The following WNT7B variants were observed in gnomAD, a reference collection of about 807,000 sequenced individuals.
WNT7B encodes Wnt family member 7B.
In WNT7B, 19 loss-of-function variants were observed where a neutral mutation model predicts 38.2. That is an observed-to-expected ratio of 0.50 (90% CI 0.35 to 0.73). WNT7B has a LOEUF of 0.73. Ranked by LOEUF, WNT7B falls within the 30% of genes least tolerant of loss-of-function variation. The pLI, the probability that WNT7B is intolerant of heterozygous loss-of-function variation, is 0.01. For synonymous variants in WNT7B, 243 were observed against 209.3 expected, an observed-to-expected ratio of 1.16 and a Z score of -1.39; for missense variants, 423 against 507.9, an observed-to-expected ratio of 0.83 and a Z score of 1.61.
intron 1 of WNT7B, among the ~76,000 whole-genome samples, chr22:45,967,370 C>T (rs1051122789): frequency 7.2e-5 from 11 of 152,304 alleles, no homozygotes; most frequent in African/African-American, 2.6e-4. Context: ...AGCCTGCTAC[C>T]GCCTCTCCAT....
In WNT7B at chr22:45,927,429, T is replaced by C. The variant is rs1285678129; in HGVS notation, c.570+3669A>G. The C allele has an allele frequency of 5.2e-6, 8 of 1,544,870 alleles. No homozygotes were observed. In the African/African-American group the frequency reaches 8.2e-5, roughly 16 times the overall value. ...ATCAGGGACACCAGCCTGGGCCACATGCCAGCTAGGGGAACGGCATAGCAA... is the reference window on the plus strand; with the variant it reads ...ATCAGGGACACCAGCCTGGGCCACACGCCAGCTAGGGGAACGGCATAGCAA... On this transcript the variant is annotated intron_variant, in intron 3 of 3. Coordinates refer to ENST00000339464, the MANE Select transcript of WNT7B (RefSeq NM_058238.3).
chr22:45,975,525 T>A lies in WNT7B; in HGVS notation c.71+1159A>T. On this transcript the variant is annotated intron_variant, in intron 1 of 3. Coordinates refer to ENST00000339464, the MANE Select transcript of WNT7B (RefSeq NM_058238.3). The surrounding 1 kb of genome is among the most constrained non-coding windows in gnomAD (Gnocchi z 6.6). ...GCCACTGGCTTTGTCTCTGCAGGCC[T>A]TGGGCCTCAGTTTCTCCACCTGTAA... 1.4e-6 allele frequency: 1 copy of A among 716,392 alleles called. No individual in the cohort carries two copies. Among genetic ancestry groups the A allele is most frequent in the Non-Finnish European group, 2.6e-6 (1 of 384,424 alleles). The allele number at this position is 716,392 out of a possible 1,614,324, so 44.4% of individuals were successfully genotyped here. A position where few individuals can be genotyped will look rare whatever the true frequency, so the allele number is the denominator to read the frequency against.
Position 45,965,369 on chromosome 22 carries a change from C to T in WNT7B, c.71+11315G>A, listed in dbSNP as rs1932289916. On this transcript the variant is annotated intron_variant, in intron 1 of 3. Transcript: ENST00000339464. The surrounding 1 kb of genome is among the most constrained non-coding windows in gnomAD (Gnocchi z 6.5). Reference sequence around the variant, plus strand: ...GGCGGTAGGGACTTTCCTTCCCAGTCACACCTGCACACCTGGCCAGCCCTG... The same window carrying T: ...GGCGGTAGGGACTTTCCTTCCCAGTTACACCTGCACACCTGGCCAGCCCTG... 6.6e-6 allele frequency among the ~76,000 whole-genome samples: 1 copy of T among 152,192 alleles called. No homozygotes were observed. Among genetic ancestry groups the T allele is most frequent in the Non-Finnish European group, 1.5e-5 (1 of 68,044 alleles).
chr22:45,929,028 A>T (rs949089166), intron 3 of WNT7B, among the ~76,000 whole-genome samples: 3 of 151,704 alleles, frequency 2.0e-5, no homozygotes, highest in Non-Finnish European at 4.4e-5. Flanking sequence ...TCTGAGCCTC[A>T]CTCTCCTTAT....
chr22:45,942,825 G>C (rs1179990510), intron 2 of WNT7B, among the ~76,000 whole-genome samples: 1 of 152,162 alleles, frequency 6.6e-6, no homozygotes, highest in African/African-American at 2.4e-5. Flanking sequence ...GGGCCTCATG[G>C]TCCTGGCCTG....
intron 2 of WNT7B, chr22:45,935,932 G>C: frequency 2.3e-5 from 23 of 985,284 alleles, no homozygotes; most frequent in Non-Finnish European, 2.5e-5. Context: ...TGTCCTGCTG[G>C]TACACTTGGG....
intron 1 of WNT7B, among the ~76,000 whole-genome samples, chr22:45,955,304 G>A (rs926192746): frequency 1.3e-5 from 2 of 152,240 alleles, no homozygotes; most frequent in African/African-American, 4.8e-5. Context: ...TGACTGGGAT[G>A]GGCCCTCCTT....
At chr22:45,960,615 G>A (rs1425600661) in intron 1 of WNT7B, among the ~76,000 whole-genome samples, 8 of 152,240 alleles carry the variant, frequency 5.3e-5, no homozygotes, top group African/African-American at 9.6e-5. Flanking sequence ...TGCGGCCCAC[G>A]CTTCTGGCCC....
chr22:45,932,232 G>A (rs1931386513), intron 2 of WNT7B, among the ~76,000 whole-genome samples: 1 of 152,160 alleles, frequency 6.6e-6, no homozygotes. Context: ...AATGCCTACT[G>A]GCTGCCTCAG....
At chr22:45,927,614 G>A (rs948294582) in intron 3 of WNT7B, 2 of 883,596 alleles carry the variant, frequency 2.3e-6, no homozygotes, top group African/African-American at 3.3e-5. Flanking sequence ...GATGGAACAG[G>A]GCCAGGTGCA....
At chr22:45,938,354 T>C (rs9330790) in intron 2 of WNT7B, among the ~76,000 whole-genome samples, 66,135 of 151,990 alleles carry the variant, frequency 0.44, 16,965 homozygotes, top group East Asian at 0.7. Flanking sequence ...GGTACAAAGA[T>C]GGCTGGGTGC....
Position 45,972,088 on chromosome 22 carries a change from C to T in WNT7B, c.71+4596G>A, listed in dbSNP as rs1004080322. On this transcript the variant is annotated intron_variant, in intron 1 of 3. Transcript: ENST00000339464. Reference sequence around the variant, plus strand: ...CTCGCTGCCGCGTTCCCTGCCCGCCCGGTTCCAGCGCTGGAGGCCCGGGGG... The same window carrying T: ...CTCGCTGCCGCGTTCCCTGCCCGCCTGGTTCCAGCGCTGGAGGCCCGGGGG... The T allele has an allele frequency of 1.8e-5, 10 of 565,706 alleles. 1 individual carries two copies. The highest frequency in any genetic ancestry group is 4.5e-4 in the Middle Eastern group (1 of 2,216). The allele number at this position is 565,706 out of a possible 1,614,324, so 35.0% of individuals were successfully genotyped here.
At chr22:45,930,703 GC>G (rs1286936633) in intron 3 of WNT7B, among the ~76,000 whole-genome samples, 2 of 152,208 alleles carry the variant, frequency 1.3e-5, no homozygotes, top group Non-Finnish European at 2.9e-5. Context: ...GGCTGCCTCT[GC>G]CAGGAAGTCT....
intron 2 of WNT7B, among the ~76,000 whole-genome samples, chr22:45,939,632 A>AAAACACACAC (rs1555908356): frequency 6.9e-6 from 1 of 144,788 alleles, no homozygotes; most frequent in East Asian, 2.1e-4. Context: ...TGTCTCTACA[A>AAAACACACAC]ACACACACAC....
intron 2 of WNT7B, among the ~76,000 whole-genome samples, chr22:45,946,340 C>T (rs73446518): frequency 6.6e-6 from 1 of 152,202 alleles, no homozygotes; most frequent in South Asian, 2.1e-4. Flanking sequence ...TGGGTCACCC[C>T]CTCCGGGAAG....
At chr22:45,929,695 C>CCCATCCAT (rs141904678) in intron 3 of WNT7B, among the ~76,000 whole-genome samples, 1 of 140,262 alleles carries the variant, frequency 7.1e-6, no homozygotes, top group Non-Finnish European at 1.5e-5. Flanking sequence ...CTTCCATCCA[C>CCCATCCAT]CCATCTTTCC....
Position 45,966,288 on chromosome 22 carries a change from C to T in WNT7B, c.71+10396G>A, listed in dbSNP as rs997187937. Among the ~76,000 whole-genome samples, 9 of 152,212 alleles carry T rather than the reference C, an allele frequency of 5.9e-5. No homozygotes were observed. Among genetic ancestry groups the T allele is most frequent in the African/African-American group, 1.9e-4 (8 of 41,460 alleles). On this transcript the variant is annotated intron_variant, in intron 1 of 3. Transcript: ENST00000339464. This position sits in a 1 kb window ranked among gnomAD's most constrained non-coding sequence, Gnocchi z 4.2. ...TTGGAAGGGGCTTTGCCATCTGTCTCACCACGTGGGACTGCGCGGGCCTAA... is the reference window on the plus strand; with the variant it reads ...TTGGAAGGGGCTTTGCCATCTGTCTTACCACGTGGGACTGCGCGGGCCTAA...
chr22:45,965,072 C>T lies in WNT7B; in HGVS notation c.71+11612G>A, dbSNP rs1187937463. 6.6e-6 allele frequency among the ~76,000 whole-genome samples: 1 copy of T among 152,144 alleles called. No individual in the cohort carries two copies. Among genetic ancestry groups the T allele is most frequent in the Non-Finnish European group, 1.5e-5 (1 of 68,030 alleles). The stretch of plus-strand genomic sequence containing the variant: ...GACCCGAGATCACTGCCTCCGGCCC[C>T]GCCCCCACCTCACCTTCCCCTGCTC... On this transcript the variant is annotated intron_variant, in intron 1 of 3. Coordinates refer to ENST00000339464, the MANE Select transcript of WNT7B (RefSeq NM_058238.3). This position sits in a 1 kb window ranked among gnomAD's most constrained non-coding sequence, Gnocchi z 6.5.
intron 2 of WNT7B, among the ~76,000 whole-genome samples, chr22:45,938,362 T>C (rs1403742180): frequency 4.6e-5 from 7 of 151,932 alleles, no homozygotes; most frequent in East Asian, 3.9e-4. Context: ...GATGGCTGGG[T>C]GCTGTGGCTC....
Sources: allele counts gnomAD v4.1 joint callset (sites outside exome capture counted in the v4.1 genomes callset), GRCh38; gene constraint gnomAD v4.1.1; non-coding constraint Gnocchi (gnomAD v3.1); transcripts MANE v1.5; gene names NCBI Gene and HGNC (gene_info 2026-07-23, HGNC 2026-07-21).